KCNK2: variants seen among roughly 807,000 people sequenced by gnomAD.
The protein encoded by KCNK2 is potassium two pore domain channel subfamily K member 2, also known as potassium channel subfamily K member 2.
A neutral mutation model predicts 40.5 loss-of-function variants in KCNK2; 21 were observed. That is an observed-to-expected ratio of 0.52 (90% CI 0.37 to 0.75). The LOEUF is 0.75. Among genes scored for constraint, KCNK2 ranks in the 30% least tolerant of loss-of-function variants. KCNK2 has a pLI of 0.00. For synonymous variants in KCNK2, 191 were observed against 202.2 expected (o/e 0.94, Z 0.47); for missense variants, 399 against 531.6 (o/e 0.75, Z 2.45).
At chr1:215,057,637 A>G (rs186991054) in intron 1 of KCNK2, among the ~76,000 whole-genome samples, 98 of 152,264 alleles carry the variant, frequency 6.4e-4, no homozygotes, top group Middle Eastern at 3.4e-3. Flanking sequence ...CATATTAACA[A>G]TGGCAAGATG....
chr1:215,090,894 C>T (rs1659665410), intron 2 of KCNK2, among the ~76,000 whole-genome samples: 1 of 152,078 alleles, frequency 6.6e-6, no homozygotes, highest in African/African-American at 2.4e-5. Flanking sequence ...TTATACTAGG[C>T]ATCTCATTTT....
intron 1 of KCNK2, among the ~76,000 whole-genome samples, chr1:215,055,606 T>C (rs1658131432): frequency 6.6e-6 from 1 of 152,196 alleles, no homozygotes; most frequent in African/African-American, 2.4e-5. Flanking sequence ...TTCTTTAAGG[T>C]CTCACTTTTC....
At chr1:215,151,219 A>G (rs945099571) in intron 3 of KCNK2, among the ~76,000 whole-genome samples, 2 of 152,132 alleles carry the variant, frequency 1.3e-5, no homozygotes, top group African/African-American at 4.8e-5. Context: ...ACATTGCTTC[A>G]TGCTGTTTTG....
At chr1:215,042,212 G>A (rs1171992252) in intron 1 of KCNK2, among the ~76,000 whole-genome samples, 3 of 152,160 alleles carry the variant, frequency 2.0e-5, no homozygotes, top group Non-Finnish European at 4.4e-5. Flanking sequence ...GAAAGACACA[G>A]ATAGGACATA....
chr1:215,108,641 T>G (rs1660543915), intron 2 of KCNK2, among the ~76,000 whole-genome samples: 1 of 144,994 alleles, frequency 6.9e-6, no homozygotes, highest in African/African-American at 2.6e-5. Context: ...GTTTTATAGT[T>G]TCAGGCCTTA....
Position 215,007,189 on chromosome 1 carries a change from A to ATG in KCNK2, c.34+1235_34+1236insGT, listed in dbSNP as rs1291327035. Among the ~76,000 whole-genome samples the ATG allele has an allele frequency of 2.0e-3, 46 of 22,874 alleles. 1 individual carries two copies. Among genetic ancestry groups the ATG allele is most frequent in the South Asian group, 0.01 (3 of 292 alleles). 15.0% of individuals were successfully genotyped at this position (22,874 alleles called of 152,430 possible). A position where few individuals can be genotyped will look rare whatever the true frequency, so the allele number is the denominator to read the frequency against. On this transcript the variant is annotated intron_variant, in intron 1 of 6. Transcript: ENST00000391895. ...TATATATATGTATGTGTGTGGGTAT[A>ATG]TATATATATATATATATATATATAT...
At chr1:215,149,092 G>A (rs1348122880) in intron 3 of KCNK2, among the ~76,000 whole-genome samples, 2 of 152,256 alleles carry the variant, frequency 1.3e-5, no homozygotes, top group Non-Finnish European at 2.9e-5. Flanking sequence ...CTGAAGCTGC[G>A]CTTTAGAAAG....
intron 6 of KCNK2, among the ~76,000 whole-genome samples, chr1:215,209,254 C>T (rs12409062): frequency 0.9 from 105,028 of 116,938 alleles, 47,681 homozygotes; most frequent in East Asian, 1. Flanking sequence ...ATACACATAT[C>T]TTATATATAA....
At chr1:215,093,992 G>A (rs1008608610) in intron 2 of KCNK2, among the ~76,000 whole-genome samples, 5 of 136,488 alleles carry the variant, frequency 3.7e-5, no homozygotes, top group Admixed American at 1.7e-4. Context: ...TATGGTTGGT[G>A]CAAATGCGGT....
chr1:215,183,718 A>T (rs993593792), intron 5 of KCNK2, among the ~76,000 whole-genome samples: 3 of 152,232 alleles, frequency 2.0e-5, no homozygotes, highest in African/African-American at 7.2e-5. Context: ...TATTAAAAAC[A>T]TGGTAAAAAT....
chr1:215,095,561 G>A (rs558869666), intron 2 of KCNK2, among the ~76,000 whole-genome samples: 2 of 152,050 alleles, frequency 1.3e-5, no homozygotes, highest in African/African-American at 4.8e-5. Context: ...CACAGCAAAC[G>A]TTAAAATTGC....
At chr1:215,092,107 A>T (rs1445337237) in intron 2 of KCNK2, among the ~76,000 whole-genome samples, 1 of 152,170 alleles carries the variant, frequency 6.6e-6, no homozygotes. Flanking sequence ...GGCAGGCAGG[A>T]GGCTGTTGTA....
At chr1:215,120,982 A>G (rs1330013468) in intron 2 of KCNK2, among the ~76,000 whole-genome samples, 1 of 152,138 alleles carries the variant, frequency 6.6e-6, no homozygotes, top group Non-Finnish European at 1.5e-5. Flanking sequence ...CAATATATTT[A>G]GTGATTAAAC....
At chr1:215,041,890 G>A (rs752028811) in intron 1 of KCNK2, among the ~76,000 whole-genome samples, 1 of 152,160 alleles carries the variant, frequency 6.6e-6, no homozygotes, top group Non-Finnish European at 1.5e-5. Flanking sequence ...TAAAGAAAAA[G>A]AAGTTTAACG....
chr1:215,164,781 CT>C (rs1193857307), intron 3 of KCNK2, among the ~76,000 whole-genome samples: 1 of 152,164 alleles, frequency 6.6e-6, no homozygotes, highest in Non-Finnish European at 1.5e-5. Flanking sequence ...ACATTCTGTA[CT>C]TTCTGTGGCA....
At chr1:215,232,363 T>A (rs1330427729) in intron 6 of KCNK2, among the ~76,000 whole-genome samples, 4 of 152,158 alleles carry the variant, frequency 2.6e-5, no homozygotes, top group Non-Finnish European at 2.9e-5. Context: ...TATAAGACCT[T>A]TTTTTGCAAA....
rs558202122 is a variant in KCNK2 at position 215,051,472 on chromosome 1, C to T, written c.35-34896C>T. Among the ~76,000 whole-genome samples the T allele has an allele frequency of 9.2e-5, 14 of 152,170 alleles. No individual in the cohort carries two copies. In the South Asian group the frequency reaches 1.9e-3, roughly 20 times the overall value. ...GGTGTACTATAAAATTGTTTATATT[C>T]AAAAGGGGAATGCCATACCTAGCCA... On this transcript the variant is annotated intron_variant, in intron 1 of 6. Coordinates refer to the KCNK2 transcript ENST00000391895.
chr1:215,203,944 A>T (rs1263229810), intron 6 of KCNK2, among the ~76,000 whole-genome samples: 3 of 135,734 alleles, frequency 2.2e-5, no homozygotes, highest in Admixed American at 1.7e-4. Context: ...AGGCCGAGGG[A>T]GGAGAATGGT....
At chr1:215,119,389 T>G (rs1661082049) in intron 2 of KCNK2, among the ~76,000 whole-genome samples, 1 of 152,180 alleles carries the variant, frequency 6.6e-6, no homozygotes, top group African/African-American at 2.4e-5. Flanking sequence ...TGAACTTTGA[T>G]TCTAAAGCCA....
Sources: allele counts gnomAD v4.1 joint callset (sites outside exome capture counted in the v4.1 genomes callset), GRCh38; gene constraint gnomAD v4.1.1; transcripts MANE v1.5; gene names NCBI Gene and HGNC (gene_info 2026-07-23, HGNC 2026-07-21).